XXYLT1: variants seen among roughly 807,000 people sequenced by gnomAD.
XXYLT1 encodes UDP-xylose:alpha-xyloside alpha-1,3-xylosyltransferase.
Under a neutral mutation model 28.9 loss-of-function variants are expected in XXYLT1, and 20 were observed. The observed-to-expected ratio is 0.69, with a 90% confidence interval of 0.49 to 1.00. XXYLT1 has a LOEUF of 1.00. Among genes scored for constraint, XXYLT1 ranks in the 50% least tolerant of loss-of-function variants. XXYLT1 has a pLI of 0.00. For synonymous variants in XXYLT1, 257 were observed against 253.8 expected (o/e 1.01, Z -0.12); for missense variants, 542 against 560.1 (o/e 0.97, Z 0.33).
chr3:195,261,745 A>G (rs567983140), intron 1 of XXYLT1, among the ~76,000 whole-genome samples: 1 of 152,340 alleles, frequency 6.6e-6, no homozygotes, highest in East Asian at 1.9e-4. Flanking sequence ...ACATGTATGT[A>G]GTTGTCCTTA....
At chr3:195,072,849 C>T (rs1403548855) in intron 3 of XXYLT1, among the ~76,000 whole-genome samples, 1 of 152,216 alleles carries the variant, frequency 6.6e-6, no homozygotes, top group Non-Finnish European at 1.5e-5. Flanking sequence ...TCTGTGTCTG[C>T]TGGTTCTCGT....
rs900741810 is a variant in XXYLT1 at position 195,068,927 on chromosome 3, A to G, written c.*788T>C. On this transcript the variant is annotated 3_prime_UTR_variant, in exon 4 of 4. Transcript: ENST00000310380. ...TTCCTGGTCCCGACAGTTCTCCTGCATGTCCTTGTGGTGGCCAGTCTCTGT... is the reference window on the plus strand; with the variant it reads ...TTCCTGGTCCCGACAGTTCTCCTGCGTGTCCTTGTGGTGGCCAGTCTCTGT... 1.3e-5 allele frequency: 2 copies of G among 151,988 alleles called. No individual in the cohort carries two copies. Among genetic ancestry groups the G allele is most frequent in the Admixed American group, 6.6e-5 (1 of 15,252 alleles). The allele number at this position is 151,988 out of a possible 1,614,324, so 9.4% of individuals were successfully genotyped here.
intron 3 of XXYLT1, among the ~76,000 whole-genome samples, chr3:195,071,302 T>A (rs1048908369): frequency 6.6e-6 from 1 of 152,136 alleles, no homozygotes; most frequent in Middle Eastern, 3.2e-3. Flanking sequence ...GCAGAGAGAC[T>A]TCCCCACCCA....
chr3:195,234,481 G>C (rs1724447154), intron 1 of XXYLT1, among the ~76,000 whole-genome samples: 1 of 151,496 alleles, frequency 6.6e-6, no homozygotes, highest in South Asian at 2.1e-4. Context: ...ACCATGCCTG[G>C]CTAATTTTTA....
intron 3 of XXYLT1, among the ~76,000 whole-genome samples, chr3:195,147,443 G>T (rs761999355): frequency 1.3e-5 from 2 of 152,136 alleles, no homozygotes; most frequent in Admixed American, 6.5e-5. Context: ...GGTGGTCAGC[G>T]CCTGTAATCT....
intron 3 of XXYLT1, among the ~76,000 whole-genome samples, chr3:195,141,315 A>T (rs148806721): frequency 1.3e-5 from 2 of 152,344 alleles, no homozygotes; most frequent in African/African-American, 4.8e-5. Flanking sequence ...AACAGATGAT[A>T]GGTCCAGATA....
At chr3:195,249,979 C>G (rs1725188426) in intron 1 of XXYLT1, among the ~76,000 whole-genome samples, 1 of 152,182 alleles carries the variant, frequency 6.6e-6, no homozygotes. Flanking sequence ...TCCTAAGGGT[C>G]TCCCCAGCAT....
rs1483493433 is a variant in XXYLT1, at chr3:195,257,337, A to G, written c.504+13218T>C. Among the ~76,000 whole-genome samples, 3 of 152,132 alleles carry G rather than the reference A, an allele frequency of 2.0e-5. No homozygotes were observed. The highest frequency in any genetic ancestry group is 7.2e-5 in the African/African-American group (3 of 41,430). Reference sequence around the variant, plus strand: ...CTGGAGACACAGAATGAAATAAGACACAGTGCTCATCCCCCAGCAGCTGGC... The same window carrying G: ...CTGGAGACACAGAATGAAATAAGACGCAGTGCTCATCCCCCAGCAGCTGGC... On this transcript the variant is annotated intron_variant, in intron 1 of 3. Transcript: ENST00000310380. The surrounding 1 kb of genome is among the most constrained non-coding windows in gnomAD (Gnocchi z 4.3).
chr3:195,135,226 T>TG (rs1196740162), intron 3 of XXYLT1, among the ~76,000 whole-genome samples: 1 of 152,164 alleles, frequency 6.6e-6, no homozygotes, highest in East Asian at 1.9e-4. Context: ...ATACCCTCGG[T>TG]GTCCCTCCCA....
At chr3:195,187,930 A>T (rs532566719) in intron 2 of XXYLT1, among the ~76,000 whole-genome samples, 5 of 152,188 alleles carry the variant, frequency 3.3e-5, no homozygotes, top group African/African-American at 4.8e-5. Flanking sequence ...CCTTTTTTTT[A>T]AAAAAGTAAA....
chr3:195,239,744 C>G (rs114987285), intron 1 of XXYLT1, among the ~76,000 whole-genome samples: 147 of 152,320 alleles, frequency 9.7e-4, no homozygotes, highest in African/African-American at 3.3e-3. Context: ...CAGAGTCAAG[C>G]TGAGCCACCC....
rs760901641 is a variant in XXYLT1 at position 195,156,430 on chromosome 3, C to T, written c.785+19G>A. On this transcript the variant is annotated intron_variant, in intron 3 of 3. Coordinates refer to ENST00000310380, the MANE Select transcript of XXYLT1 (RefSeq NM_152531.5). ...TGGGGAGGGGTCGTGGAGGCGGCCC[C>T]CCTGCAGTCATGACGCACCTGTAAA... 1 of 1,611,852 alleles carries T rather than the reference C, an allele frequency of 6.2e-7. No homozygotes were observed. The highest frequency in any genetic ancestry group is 8.5e-7 in the Non-Finnish European group (1 of 1,179,154).
chr3:195,073,555 G>C (rs1714948753), intron 3 of XXYLT1, among the ~76,000 whole-genome samples: 1 of 152,270 alleles, frequency 6.6e-6, no homozygotes, highest in South Asian at 2.1e-4. Context: ...CCTGTGGAGA[G>C]TCTTGTTCCT....
intron 1 of XXYLT1, among the ~76,000 whole-genome samples, chr3:195,261,426 G>A (rs1281090319): frequency 6.6e-6 from 1 of 152,072 alleles, no homozygotes; most frequent in Non-Finnish European, 1.5e-5. Flanking sequence ...GGGGGACACA[G>A]CAAGACTCCA....
At chr3:195,175,461 AG>A (rs1375862376) in intron 2 of XXYLT1, among the ~76,000 whole-genome samples, 3 of 152,212 alleles carry the variant, frequency 2.0e-5, no homozygotes, top group Admixed American at 1.3e-4. Context: ...AGCTTCGGAA[AG>A]GGCACATTTG....
chr3:195,228,820 T>C (rs1210439240), intron 1 of XXYLT1, among the ~76,000 whole-genome samples: 3 of 151,636 alleles, frequency 2.0e-5, no homozygotes, highest in Non-Finnish European at 2.9e-5. Flanking sequence ...TGTATCTCTT[T>C]TTTTTTTTCG....
chr3:195,131,905 T>C (rs1043750835), intron 3 of XXYLT1, among the ~76,000 whole-genome samples: 1 of 152,178 alleles, frequency 6.6e-6, no homozygotes, highest in Non-Finnish European at 1.5e-5. Flanking sequence ...TTGCTGTCTA[T>C]CCCTGAGGGC....
intron 2 of XXYLT1, among the ~76,000 whole-genome samples, chr3:195,208,768 T>C (rs73890742): frequency 0.019 from 2,898 of 152,136 alleles, 102 homozygotes; most frequent in African/African-American, 0.064. Flanking sequence ...TGAGTCCCAC[T>C]TTCTCACGGG....
chr3:195,268,417 G>C (rs1488571067), intron 1 of XXYLT1, among the ~76,000 whole-genome samples: 1 of 148,838 alleles, frequency 6.7e-6, no homozygotes, highest in African/African-American at 2.5e-5. Context: ...GGCGACAAGA[G>C]CAAAACTCTG....
Sources: gnomAD v4.1 joint callset for allele counts (sites outside exome capture counted in the v4.1 genomes callset) on GRCh38, gnomAD v4.1.1 for gene constraint, Gnocchi (gnomAD v3.1) non-coding constraint, MANE v1.5 for transcripts, NCBI Gene and HGNC (gene_info 2026-07-23, HGNC 2026-07-21) for gene names.